MITF: variants seen among roughly 807,000 people sequenced by gnomAD.
MITF encodes melanocyte inducing transcription factor.
Under a neutral mutation model 60.5 loss-of-function variants are expected in MITF, and 17 were observed. That is an observed-to-expected ratio of 0.28 (90% CI 0.19 to 0.42). The LOEUF is 0.42. Among genes scored for constraint, MITF ranks in the 10% least tolerant of loss-of-function variants. The probability of loss-of-function intolerance (pLI) is 1.00; values close to 1 mark genes in which losing one functional copy is unlikely to be tolerated. For synonymous variants in MITF, 260 were observed against 248.5 expected (o/e 1.05, Z -0.43); for missense variants, 622 against 683.5 (o/e 0.91, Z 1.00).
chr3:69,781,135 T>C (rs1191974741), intron 1 of MITF, among the ~76,000 whole-genome samples: 1 of 152,132 alleles, frequency 6.6e-6, no homozygotes, highest in African/African-American at 2.4e-5. Flanking sequence ...TACAGTGGCT[T>C]CCTTTGGAAG....
intron 1 of MITF, among the ~76,000 whole-genome samples, chr3:69,805,364 A>T (rs1216366884): frequency 6.6e-6 from 1 of 152,118 alleles, no homozygotes; most frequent in Non-Finnish European, 1.5e-5. Context: ...TCCCCCTCTA[A>T]TAATTTTTAA....
At chr3:69,956,119 G>A (rs2107529244) in intron 7 of MITF, among the ~76,000 whole-genome samples, 1 of 152,268 alleles carries the variant, frequency 6.6e-6, no homozygotes, top group East Asian at 1.9e-4. Context: ...TAGAATTTGG[G>A]CTTTCACCAG....
At chr3:69,899,417 AATGGGAAGCCATGGAAAGGC>A (rs1252078017) in intron 2 of MITF, among the ~76,000 whole-genome samples, 3 of 152,178 alleles carry the variant, frequency 2.0e-5, no homozygotes, top group African/African-American at 7.2e-5. Context: ...TTTTAAGAGC[AATGGGAAGCCATGGAAAGGC>A]ATGGGAAGCC....
intron 1 of MITF, among the ~76,000 whole-genome samples, chr3:69,773,800 G>A (rs1176170871): frequency 2.0e-5 from 3 of 152,152 alleles, no homozygotes; most frequent in African/African-American, 7.2e-5. Flanking sequence ...AGGCTAAATG[G>A]TAAGGGTAAA....
intron 1 of MITF, chr3:69,762,862 GT>G: frequency 4.5e-6 from 1 of 224,684 alleles, no homozygotes; most frequent in Non-Finnish European, 8.9e-6. Context: ...CTAGATGAAT[GT>G]TTAATAATCA....
chr3:69,870,172 A>G (rs1324002991), intron 1 of MITF, among the ~76,000 whole-genome samples: 1 of 151,048 alleles, frequency 6.6e-6, no homozygotes, highest in Non-Finnish European at 1.5e-5. Flanking sequence ...CAAAAAAAAA[A>G]AAGCCAGTCT....
chr3:69,901,367 A>G (rs1433579392), intron 2 of MITF, among the ~76,000 whole-genome samples: 1 of 152,128 alleles, frequency 6.6e-6, no homozygotes, highest in Admixed American at 6.6e-5. Flanking sequence ...CTTTTATAAC[A>G]ATTTTTACTA....
At chr3:69,861,016 A>G (rs1189075913) in intron 1 of MITF, among the ~76,000 whole-genome samples, 1 of 152,180 alleles carries the variant, frequency 6.6e-6, no homozygotes, top group Non-Finnish European at 1.5e-5. Context: ...AATTTTCTTC[A>G]GTCATGCTGT....
chr3:69,960,561 A>G (rs1327180015), intron 9 of MITF, among the ~76,000 whole-genome samples: 1 of 152,152 alleles, frequency 6.6e-6, no homozygotes, highest in Non-Finnish European at 1.5e-5. Flanking sequence ...GGTAATTTTA[A>G]TTTGCTGACT....
intron 2 of MITF, among the ~76,000 whole-genome samples, chr3:69,895,411 G>C (rs186381895): frequency 1.1e-3 from 166 of 152,220 alleles, no homozygotes; most frequent in African/African-American, 3.6e-3. Flanking sequence ...GCATTCCTGA[G>C]ACTTTTCTGA....
At chr3:69,799,152 T>C (rs977430283) in intron 1 of MITF, among the ~76,000 whole-genome samples, 1 of 152,084 alleles carries the variant, frequency 6.6e-6, no homozygotes, top group Middle Eastern at 3.2e-3. Context: ...ATATAAAATA[T>C]CTGGGCAACA....
Position 69,967,405 on chromosome 3 carries a change from G to A in MITF, c.*2157G>A. On this transcript the variant is annotated 3_prime_UTR_variant, in exon 10 of 10. Transcript: ENST00000352241. The stretch of plus-strand genomic sequence containing the variant: ...TTTTTCTCTTCATATTTATATGGGG[G>A]GGAGGGCGCTGGATGCAAAAGTTGA... 1 of 233,126 alleles carries A rather than the reference G, an allele frequency of 4.3e-6. No individual in the cohort carries two copies. Among genetic ancestry groups the A allele is most frequent in the East Asian group, 6.1e-5 (1 of 16,520 alleles). The allele number at this position is 233,126 out of a possible 1,614,324, so 14.4% of individuals were successfully genotyped here.
chr3:69,800,352 G>A (rs1358183178), intron 1 of MITF, among the ~76,000 whole-genome samples: 1 of 152,016 alleles, frequency 6.6e-6, no homozygotes, highest in Non-Finnish European at 1.5e-5. Context: ...TCATTTTTCA[G>A]CTGATGGACA....
rs185460304 is a variant in MITF at position 69,955,247 on chromosome 3, G to A, written c.956-1208G>A. 3.3e-5 allele frequency among the ~76,000 whole-genome samples: 5 copies of A among 152,192 alleles called. No individual in the cohort carries two copies. The East Asian group carries it at 7.7e-4, about 23-fold the overall frequency. ...ACGTAAAACTGAAAGTGTAAAATGC[G>A]CCCTGGATTCCAAAAACTTAGAGTG... On this transcript the variant is annotated intron_variant, in intron 7 of 9. Coordinates refer to ENST00000352241, the MANE Select transcript of MITF (RefSeq NM_001354604.2).
chr3:69,873,199 C>A (rs1177259031), intron 1 of MITF, among the ~76,000 whole-genome samples: 1 of 152,104 alleles, frequency 6.6e-6, no homozygotes, highest in African/African-American at 2.4e-5. Flanking sequence ...ATGGGTTACA[C>A]TCCCAGCTAT....
At chr3:69,845,438 C>CTTTTTTTTTTTTTTTTTTTTT (rs202135701) in intron 1 of MITF, among the ~76,000 whole-genome samples, 18 of 133,660 alleles carry the variant, frequency 1.3e-4, no homozygotes, top group Middle Eastern at 3.7e-3. Context: ...TTTCTTTTTT[C>CTTTTTTTTTTTTTTTTTTTTT]TTTCTTTTTT....
chr3:69,821,068 G>A (rs1056204360), intron 1 of MITF, among the ~76,000 whole-genome samples: 2 of 152,074 alleles, frequency 1.3e-5, no homozygotes, highest in African/African-American at 4.8e-5. Flanking sequence ...TAGCAATGAG[G>A]CACTTTCTTG....
intron 1 of MITF, among the ~76,000 whole-genome samples, chr3:69,761,762 A>G (rs1005599876): frequency 6.6e-6 from 1 of 152,236 alleles, no homozygotes; most frequent in East Asian, 1.9e-4. Context: ...GTAGGAAAAG[A>G]TGGGATGGTG....
chr3:69,881,808 A>G (rs1403735473), intron 2 of MITF, among the ~76,000 whole-genome samples: 1 of 152,124 alleles, frequency 6.6e-6, no homozygotes, highest in African/African-American at 2.4e-5. Flanking sequence ...GTGCATTATG[A>G]TACAGATTAT....
Sources: allele counts gnomAD v4.1 joint callset (sites outside exome capture counted in the v4.1 genomes callset), GRCh38; gene constraint gnomAD v4.1.1; transcripts MANE v1.5; gene names NCBI Gene and HGNC (gene_info 2026-07-23, HGNC 2026-07-21).